ABLIM2: variants seen among roughly 807,000 people sequenced by gnomAD.
ABLIM2 encodes the protein actin-binding LIM protein 2.
ABLIM2 carries 53 observed loss-of-function variants against 97.7 expected under a neutral mutation model. That is an observed-to-expected ratio of 0.54 (90% CI 0.44 to 0.68). The LOEUF is 0.68. ABLIM2 is among the 30% of genes least tolerant of loss of function. The pLI is 0.00. For missense variants in ABLIM2, 835 were observed against 867.2 expected (o/e 0.96, Z 0.47); for synonymous variants, 361 against 345.8 (o/e 1.04, Z -0.49).
In ABLIM2 at chr4:8,067,182, C is replaced by T. The variant is rs1169214318; in HGVS notation, c.676-6128G>A. 6.6e-6 allele frequency: 1 copy of T among 152,246 alleles called. No homozygotes were observed. Among genetic ancestry groups the T allele is most frequent in the Non-Finnish European group, 1.5e-5 (1 of 68,088 alleles). 9.4% of individuals were successfully genotyped at this position (152,246 alleles called of 1,614,324 possible). ...CTACCTCCTGGGAAGACTCCATGGG[C>T]CATGGGGACAATCGGGGACATTTGT... On this transcript the variant is annotated intron_variant, in intron 6 of 20. Transcript: ENST00000447017. This position sits in a 1 kb window ranked among gnomAD's most constrained non-coding sequence, Gnocchi z 5.4.
At position 8,019,705 on chromosome 4, in the gene ABLIM2, A is replaced by G. The variant is rs767449749; in HGVS notation, c.1370-34T>C. 5.7e-6 allele frequency: 9 copies of G among 1,585,234 alleles called. No individual in the cohort carries two copies. In the South Asian group the frequency reaches 8.9e-5, roughly 16 times the overall value. ...GAAGAAAGAAAAAAAAGGAGAGAAC[A>G]GGAGGGTAAGCAGCAAGTTGTGATG... On this transcript the variant is annotated intron_variant, in intron 13 of 20. Transcript: ENST00000447017. The surrounding 1 kb of genome is among the most constrained non-coding windows in gnomAD (Gnocchi z 4.3).
chr4:8,157,563 G>A (rs1268350770), intron 1 of ABLIM2, among the ~76,000 whole-genome samples: 1 of 152,234 alleles, frequency 6.6e-6, no homozygotes, highest in Non-Finnish European at 1.5e-5. Context: ...TCCCCAGGGA[G>A]GGGAGTCCCT....
intron 18 of ABLIM2, among the ~76,000 whole-genome samples, chr4:7,984,053 T>C (rs1741276887): frequency 6.6e-6 from 1 of 152,230 alleles, no homozygotes; most frequent in Non-Finnish European, 1.5e-5. Flanking sequence ...ACTTCCAGAC[T>C]GAAAGCGTCT....
intron 17 of ABLIM2, among the ~76,000 whole-genome samples, chr4:7,988,214 G>A (rs904225955): frequency 1.3e-5 from 2 of 152,058 alleles, no homozygotes; most frequent in African/African-American, 4.8e-5. Context: ...GTAGAGACAG[G>A]GTTTCACCAC....
Position 8,106,609 on chromosome 4 carries a change from C to T in ABLIM2, c.39G>A (p.Pro13=), listed in dbSNP as rs769079206. The T allele has an allele frequency of 2.2e-5, 35 of 1,611,602 alleles. No individual in the cohort carries two copies. The highest frequency in any genetic ancestry group is 6.7e-5 in the Admixed American group (4 of 59,818). The stretch of plus-strand genomic sequence containing the variant: ...TCGCCGTGCTGGGCGACTTCTCCAG[C>T]GGGCTGGGAGCAGCCTGGGGCTGCG... ...AVSQPQAAPS[P]LEKSPSTAIL... is the part of the protein sequence containing the mutation. The change falls in exon 2 of 21, where the codon CCG becomes CCA. Residue 13 remains proline, a synonymous_variant. Transcript: ENST00000447017.
chr4:7,968,958 C>T (rs1422997536), intron 20 of ABLIM2, among the ~76,000 whole-genome samples: 2 of 150,900 alleles, frequency 1.3e-5, no homozygotes, highest in African/African-American at 4.9e-5. Flanking sequence ...CATGGCAAAC[C>T]CCATCTCTAC....
At position 8,150,180 on chromosome 4, in the gene ABLIM2, C is replaced by T. The variant is rs1374947526; in HGVS notation, c.10+8500G>A. On this transcript the variant is annotated intron_variant, in intron 1 of 20. Coordinates refer to ENST00000447017, the MANE Select transcript of ABLIM2 (RefSeq NM_001130083.2). The surrounding 1 kb of genome is among the most constrained non-coding windows in gnomAD (Gnocchi z 6.3). ...TTGGAATTCTTCCTTCTGGGCACTT[C>T]GTGTCCAGCTGCAGCATCAACTGAT... Among the ~76,000 whole-genome samples, 6 of 152,190 alleles carry T rather than the reference C, an allele frequency of 3.9e-5. No homozygotes were observed. The highest frequency in any genetic ancestry group is 4.8e-5 in the African/African-American group (2 of 41,436).
At chr4:8,029,582 A>C in intron 11 of ABLIM2, 74 bp downstream of exon 11, 1 of 1,332,944 alleles carries the variant, frequency 7.5e-7, no homozygotes, top group South Asian at 1.9e-5. Flanking sequence ...CCGAAAAAAA[A>C]AACTAAAAAA....
intron 16 of ABLIM2, chr4:8,007,838 G>C: frequency 7.4e-7 from 1 of 1,349,126 alleles, no homozygotes. Context: ...ATGCAGGCGT[G>C]GCCCTCGTTA....
At position 8,106,453 on chromosome 4, in the gene ABLIM2, C is replaced by T. The variant is rs897193867; in HGVS notation, c.154+41G>A. ...GGCCCAGGATCGCCGCTGGGAGGCC[C>T]GTTTCAGGGGCCACACTGCAGGGGA... On this transcript the variant is annotated intron_variant, in intron 2 of 20. Transcript: ENST00000447017. The T allele has an allele frequency of 5.7e-6, 9 of 1,568,362 alleles. 1 individual carries two copies. Among genetic ancestry groups the T allele is most frequent in the South Asian group, 3.5e-5 (3 of 85,232 alleles).
chr4:8,050,005 G>A (rs982313275), intron 8 of ABLIM2, among the ~76,000 whole-genome samples: 8 of 152,192 alleles, frequency 5.3e-5, no homozygotes, highest in African/African-American at 1.9e-4. Flanking sequence ...TAGGATTACA[G>A]GTGTGAGCCA....
intron 4 of ABLIM2, among the ~76,000 whole-genome samples, chr4:8,081,743 G>A (rs1235477328): frequency 6.6e-6 from 1 of 152,168 alleles, no homozygotes; most frequent in Non-Finnish European, 1.5e-5. Context: ...GGGAGGCAGA[G>A]CGGCAGAGAC....
chr4:8,134,627 T>C (rs895564559), intron 1 of ABLIM2, among the ~76,000 whole-genome samples: 1 of 151,998 alleles, frequency 6.6e-6, no homozygotes, highest in African/African-American at 2.4e-5. Context: ...GAGACACAAA[T>C]GTGCCGGAAA....
Position 8,044,038 on chromosome 4 carries a change from G to A in ABLIM2, c.900+1126C>T, listed in dbSNP as rs545984577. Among the ~76,000 whole-genome samples, 12 of 152,304 alleles carry A rather than the reference G, an allele frequency of 7.9e-5. No homozygotes were observed. The highest frequency in any genetic ancestry group is 6.2e-4 in the South Asian group (3 of 4,826). On this transcript the variant is annotated intron_variant, in intron 9 of 20. Transcript: ENST00000447017. The surrounding 1 kb of genome is among the most constrained non-coding windows in gnomAD (Gnocchi z 4.4). ...AGTGCGTCATGGTAACTGAGGACTCGTGCACCCCTCAGTGGCACTGTCAGG... is the reference window on the plus strand; with the variant it reads ...AGTGCGTCATGGTAACTGAGGACTCATGCACCCCTCAGTGGCACTGTCAGG...
Position 8,072,971 on chromosome 4 carries a change from G to C in ABLIM2, c.675+4657C>G, listed in dbSNP as rs1209687878. On this transcript the variant is annotated intron_variant, in intron 6 of 20. Transcript: ENST00000447017. The surrounding 1 kb of genome is among the most constrained non-coding windows in gnomAD (Gnocchi z 5.8). Reference sequence around the variant, plus strand: ...GAAGAGCAGGGAGAGTACAGGTGGAGGAGCACAGAGAGGGTCTCTGAGAGG... The same window carrying C: ...GAAGAGCAGGGAGAGTACAGGTGGACGAGCACAGAGAGGGTCTCTGAGAGG... 6.6e-6 allele frequency among the ~76,000 whole-genome samples: 1 copy of C among 152,150 alleles called. No homozygotes were observed. The highest frequency in any genetic ancestry group is 1.5e-5 in the Non-Finnish European group (1 of 68,028).
intron 3 of ABLIM2, among the ~76,000 whole-genome samples, chr4:8,093,229 T>C (rs567573561): frequency 5.3e-5 from 8 of 152,334 alleles, no homozygotes; most frequent in African/African-American, 1.9e-4. Context: ...ATAATCAATA[T>C]TTTGTAGAGC....
intron 1 of ABLIM2, among the ~76,000 whole-genome samples, chr4:8,144,355 C>T (rs992747529): frequency 6.6e-6 from 1 of 152,236 alleles, no homozygotes; most frequent in Non-Finnish European, 1.5e-5. Flanking sequence ...TCCGCATCCA[C>T]CCCCTATGGC....
At chr4:7,985,803 C>G (rs994620662) in intron 17 of ABLIM2, among the ~76,000 whole-genome samples, 1 of 152,208 alleles carries the variant, frequency 6.6e-6, no homozygotes, top group Admixed American at 6.5e-5. Context: ...GCCATTTTAG[C>G]GCATTGAGAC....
chr4:7,983,448 T>G (rs1475750966), intron 19 of ABLIM2, 99 bp downstream of exon 19: 3 of 1,583,150 alleles, frequency 1.9e-6, no homozygotes, highest in Non-Finnish European at 1.7e-6. Flanking sequence ...CGTCTGCACC[T>G]GACACACACA....
Sources: allele counts gnomAD v4.1 joint callset (sites outside exome capture counted in the v4.1 genomes callset), GRCh38; gene constraint gnomAD v4.1.1; non-coding constraint Gnocchi (gnomAD v3.1); transcripts MANE v1.5; gene names NCBI Gene and HGNC (gene_info 2026-07-23, HGNC 2026-07-21).